The following LIN7A variants were observed in gnomAD, a reference collection of about 807,000 sequenced individuals.
LIN7A encodes the protein protein lin-7 homolog A.
Under a neutral mutation model 29.8 loss-of-function variants are expected in LIN7A, and 25 were observed. That is an observed-to-expected ratio of 0.84 (90% CI 0.61 to 1.17). The LOEUF is 1.17. Ranked by LOEUF, LIN7A falls within the 50% of genes most tolerant of loss-of-function variation. LIN7A has a pLI of 0.00. For synonymous variants in LIN7A, 118 were observed against 107.5 expected (o/e 1.10, Z -0.60); for missense variants, 239 against 287.0 (o/e 0.83, Z 1.21).
In LIN7A at chr12:80,845,944, A is replaced by G; in HGVS notation, c.274-5T>C. ...TGCAAAAGCTGCAACTGTTGCCTGA[A>G]AAAAAAAAAAAAAGATGGTCTTTTG... On this transcript the variant is annotated splice_region_variant and splice_polypyrimidine_tract_variant and intron_variant, in intron 3 of 5. Coordinates refer to ENST00000552864, the MANE Select transcript of LIN7A (RefSeq NM_004664.4). 1.1e-6 allele frequency: 1 copy of G among 894,572 alleles called. No homozygotes were observed. Among genetic ancestry groups the G allele is most frequent in the South Asian group, 2.5e-5 (1 of 40,186 alleles). 55.4% of individuals were successfully genotyped at this position (894,572 alleles called of 1,614,324 possible). A position where few individuals can be genotyped will look rare whatever the true frequency, so the allele number is the denominator to read the frequency against.
chr12:80,852,081 G>T (rs749045444), intron 2 of LIN7A, among the ~76,000 whole-genome samples: 1 of 151,978 alleles, frequency 6.6e-6, no homozygotes, highest in Non-Finnish European at 1.5e-5. Context: ...AAAAAATAAT[G>T]GTTGTTTTTA....
At chr12:80,887,419 A>G (rs1470597821) in intron 2 of LIN7A, among the ~76,000 whole-genome samples, 1 of 152,146 alleles carries the variant, frequency 6.6e-6, no homozygotes, top group East Asian at 1.9e-4. Context: ...CCATGCTTAG[A>G]AGGAAATCCA....
At chr12:80,909,834 T>A (rs1366970674) in intron 1 of LIN7A, among the ~76,000 whole-genome samples, 2 of 149,106 alleles carry the variant, frequency 1.3e-5, no homozygotes, top group Non-Finnish European at 3.0e-5. Flanking sequence ...TTTTGTAAAT[T>A]TTACATCTAA....
At chr12:80,919,144 G>A (rs999028168) in intron 1 of LIN7A, among the ~76,000 whole-genome samples, 4 of 152,134 alleles carry the variant, frequency 2.6e-5, no homozygotes, top group East Asian at 1.9e-4. Flanking sequence ...AATGCATGCC[G>A]GTAGTTGCTG....
intron 1 of LIN7A, among the ~76,000 whole-genome samples, chr12:80,891,041 C>T (rs1218186638): frequency 7.9e-5 from 12 of 152,124 alleles, no homozygotes; most frequent in African/African-American, 2.9e-4. Flanking sequence ...ACAAGCCATC[C>T]TCTCAAGCAA....
intron 2 of LIN7A, among the ~76,000 whole-genome samples, chr12:80,875,862 G>C (rs2120534499): frequency 6.6e-6 from 1 of 152,186 alleles, no homozygotes; most frequent in South Asian, 2.1e-4. Flanking sequence ...TAATAAGATA[G>C]ATAGAGATCC....
At chr12:80,877,447 T>C (rs975860355) in intron 2 of LIN7A, among the ~76,000 whole-genome samples, 3 of 152,176 alleles carry the variant, frequency 2.0e-5, no homozygotes, top group Non-Finnish European at 4.4e-5. Context: ...ACAGTATGGT[T>C]ATCTCTTTAT....
At chr12:80,888,591 G>A (rs564670997) in intron 2 of LIN7A, among the ~76,000 whole-genome samples, 2 of 152,190 alleles carry the variant, frequency 1.3e-5, no homozygotes, top group African/African-American at 2.4e-5. Flanking sequence ...GTTCCTGACG[G>A]GGAAGGAGTA....
At chr12:80,910,293 G>T (rs1225470174) in intron 1 of LIN7A, among the ~76,000 whole-genome samples, 1 of 152,192 alleles carries the variant, frequency 6.6e-6, no homozygotes, top group East Asian at 1.9e-4. Flanking sequence ...GATCCCACAG[G>T]ATTTTCTCCA....
intron 1 of LIN7A, among the ~76,000 whole-genome samples, chr12:80,933,338 T>C (rs1878019742): frequency 6.6e-6 from 1 of 152,142 alleles, no homozygotes; most frequent in South Asian, 2.1e-4. Flanking sequence ...GTTATAAATG[T>C]AAAAACTGAA....
Position 80,843,737 on chromosome 12 carries a change from G to T in LIN7A, c.483+1993C>A, listed in dbSNP as rs149948333. 3.9e-4 allele frequency among the ~76,000 whole-genome samples: 60 copies of T among 152,018 alleles called. 1 individual carries two copies. The East Asian group carries it at 0.01, about 26-fold the overall frequency. Reference sequence around the variant, plus strand: ...GTTACTATTCCCTTTTTTCAGATAAGGGGATTAAAGTTTAGGGGATACTAA... The same window carrying T: ...GTTACTATTCCCTTTTTTCAGATAATGGGATTAAAGTTTAGGGGATACTAA... On this transcript the variant is annotated intron_variant, in intron 4 of 5. Coordinates refer to ENST00000552864, the MANE Select transcript of LIN7A (RefSeq NM_004664.4).
At chr12:80,852,967 G>A (rs1022202924) in intron 2 of LIN7A, among the ~76,000 whole-genome samples, 4 of 152,136 alleles carry the variant, frequency 2.6e-5, no homozygotes, top group Non-Finnish European at 4.4e-5. Flanking sequence ...CTTGTGTGTG[G>A]ATATTATCAG....
At chr12:80,852,051 C>G (rs1468465901) in intron 2 of LIN7A, among the ~76,000 whole-genome samples, 1 of 152,066 alleles carries the variant, frequency 6.6e-6, no homozygotes, top group African/African-American at 2.4e-5. Flanking sequence ...TATTAGGCAT[C>G]TGGGCTAAAT....
At chr12:80,802,346 G>C (rs1334870346) in intron 5 of LIN7A, among the ~76,000 whole-genome samples, 2 of 152,176 alleles carry the variant, frequency 1.3e-5, no homozygotes, top group Non-Finnish European at 2.9e-5. Context: ...ATAGTATTCT[G>C]TTATGTATGT....
chr12:80,799,529 A>G (rs1380010661), intron 5 of LIN7A, among the ~76,000 whole-genome samples: 38 of 152,208 alleles, frequency 2.5e-4, no homozygotes, highest in Admixed American at 2.5e-3. Flanking sequence ...ATTTAGTTCA[A>G]TCCAATGTAA....
intron 2 of LIN7A, among the ~76,000 whole-genome samples, chr12:80,859,833 A>G (rs1171463437): frequency 1.3e-5 from 2 of 152,184 alleles, no homozygotes; most frequent in Non-Finnish European, 2.9e-5. Context: ...GACAACCACT[A>G]TTAACAATCT....
Position 80,805,082 on chromosome 12 carries a change from G to A in LIN7A, c.*6383C>T, listed in dbSNP as rs569796215. Among the ~76,000 whole-genome samples the A allele has an allele frequency of 3.0e-4, 45 of 152,306 alleles. 1 individual carries two copies. The South Asian group carries it at 8.9e-3, about 30-fold the overall frequency. ...ACTCTTTAAAACAAGATTAAACATA[G>A]TACCTAATCTGCATAAGGCTATTGT... is the stretch of plus-strand genomic sequence containing the variant. On this transcript the variant is annotated intron_variant, in intron 5 of 5. Transcript: ENST00000552864.
At chr12:80,931,119 C>T (rs961101134) in intron 1 of LIN7A, among the ~76,000 whole-genome samples, 29 of 152,154 alleles carry the variant, frequency 1.9e-4, no homozygotes, top group African/African-American at 6.8e-4. Context: ...ATAGTACTCC[C>T]TAGATGTTTT....
intron 4 of LIN7A, among the ~76,000 whole-genome samples, chr12:80,817,168 C>T (rs1174100632): frequency 2.0e-5 from 3 of 152,116 alleles, no homozygotes; most frequent in Admixed American, 6.5e-5. Flanking sequence ...CTGGTATGCT[C>T]GTATTTCTGG....
Sources: allele counts gnomAD v4.1 joint callset (sites outside exome capture counted in the v4.1 genomes callset), GRCh38; gene constraint gnomAD v4.1.1; transcripts MANE v1.5; gene names NCBI Gene and HGNC (gene_info 2026-07-23, HGNC 2026-07-21).